The following CRISP2 variants were observed in gnomAD, a reference collection of about 807,000 sequenced individuals.
CRISP2 encodes the protein cysteine rich secretory protein 2, also known as cysteine-rich secretory protein 2.
In CRISP2, 29 loss-of-function variants were observed where a neutral mutation model predicts 31.7. The observed-to-expected ratio is 0.92, with a 90% CI of 0.68 to 1.25. The LOEUF is 1.25. CRISP2 is among the 50% of genes most tolerant of loss of function. The pLI is 0.00. For synonymous variants in CRISP2, 111 were observed against 101.4 expected, an observed-to-expected ratio of 1.09 and a Z score of -0.57; for missense variants, 318 against 286.5, an observed-to-expected ratio of 1.11 and a Z score of -0.79.
chr6:49,712,387 T>C (rs1030634138), intron 2 of CRISP2, 114 bp downstream of exon 2: 1 of 152,226 alleles, frequency 6.6e-6, no homozygotes, highest in Non-Finnish European at 1.5e-5. Context: ...TTGGTGAGAG[T>C]ATATTCAAGG....
At chr6:49,706,771 C>T (rs926776291) in intron 4 of CRISP2, among the ~76,000 whole-genome samples, 2 of 152,180 alleles carry the variant, frequency 1.3e-5, no homozygotes, top group South Asian at 4.1e-4. Flanking sequence ...TCTCAAAATA[C>T]TTACACCATT....
chr6:49,709,963 G>A (rs768644248), intron 3 of CRISP2, among the ~76,000 whole-genome samples: 2 of 152,108 alleles, frequency 1.3e-5, no homozygotes, highest in African/African-American at 2.4e-5. Context: ...AAAGTCTCAC[G>A]TCCTTCAGAT....
At chr6:49,692,137 C>A (rs760193708), downstream of CRISP2, among the ~76,000 whole-genome samples, 3 of 152,010 alleles carry the variant, frequency 2.0e-5, no homozygotes, top group Non-Finnish European at 2.9e-5. Flanking sequence ...AAGGAGAAAG[C>A]AAGTAAGAGT....
At chr6:49,684,907 T>A in the CRISP2 span, among the ~76,000 whole-genome samples, 1 of 152,126 alleles carries the variant, frequency 6.6e-6, no homozygotes, top group African/African-American at 2.4e-5. Flanking sequence ...TCATAGAGAC[T>A]TTTTGCATGC....
In CRISP2 at chr6:49,697,871, T is replaced by C. The variant is rs1765037201; in HGVS notation, c.504A>G (p.Gln168=). 4 of 1,611,852 alleles carry C rather than the reference T, an allele frequency of 2.5e-6. No homozygotes were observed. The highest frequency in any genetic ancestry group is 3.4e-6 in the Non-Finnish European group (4 of 1,178,666). Residue 168 remains glutamine (Q), a synonymous_variant, in exon 8 of 10, where the codon CAA becomes CAG. Coordinates refer to ENST00000339139, the MANE Select transcript of CRISP2 (RefSeq NM_003296.4). Reference sequence around the variant, plus strand: ...AACAGTCTACTTACGCAGGACAATATTGGCAAACATAGTAGTATTTTAGAC... The same window carrying C: ...AACAGTCTACTTACGCAGGACAATACTGGCAAACATAGTAGTATTTTAGAC... ...QDSLKYYYVC[Q]YCPAGNNMNR...
At chr6:49,677,437 T>C in the CRISP2 span, among the ~76,000 whole-genome samples, 2 of 152,158 alleles carry the variant, frequency 1.3e-5, no homozygotes, top group Non-Finnish European at 2.9e-5. Flanking sequence ...CTCTTATTCC[T>C]TCCTCCCATA....
downstream of CRISP2, among the ~76,000 whole-genome samples, chr6:49,690,944 T>C (rs1401719372): frequency 6.6e-6 from 1 of 151,618 alleles, no homozygotes; most frequent in Non-Finnish European, 1.5e-5. Context: ...TTAAAGATTC[T>C]GGTATAGAGG....
In CRISP2 at chr6:49,698,318, A is replaced by G. The variant is rs763366194; in HGVS notation, c.417+44T>C. On this transcript the variant is annotated intron_variant, in intron 7 of 9. Coordinates refer to ENST00000339139, the MANE Select transcript of CRISP2 (RefSeq NM_003296.4). ...TCATAATTTGGAGAAGCTTTCCTCT[A>G]TTAGAACATCTGTGACATAGGTATT... The G allele has an allele frequency of 2.1e-5, 33 of 1,603,812 alleles. No individual in the cohort carries two copies. The East Asian group carries it at 6.9e-4, about 34-fold the overall frequency.
At chr6:49,697,805 A>T in intron 8 of CRISP2, 55 bp downstream of exon 8, 3 of 1,604,294 alleles carry the variant, frequency 1.9e-6, no homozygotes, top group Non-Finnish European at 2.6e-6. Context: ...GAGAATTATT[A>T]AAAAATAAAT....
At chr6:49,702,015 G>A (rs1260860439) in intron 4 of CRISP2, among the ~76,000 whole-genome samples, 1 of 95,494 alleles carries the variant, frequency 1.0e-5, no homozygotes, top group Non-Finnish European at 1.9e-5. Context: ...ACATATTAAT[G>A]TATACATTAT....
At chr6:49,694,954 G>A (rs140201099) in intron 9 of CRISP2, among the ~76,000 whole-genome samples, 7 of 151,886 alleles carry the variant, frequency 4.6e-5, no homozygotes, top group Non-Finnish European at 5.9e-5. Flanking sequence ...GGTTGGTCTC[G>A]AACTCCTGAC....
chr6:49,703,702 G>A (rs1054238045), intron 4 of CRISP2, among the ~76,000 whole-genome samples: 4 of 152,130 alleles, frequency 2.6e-5, no homozygotes, highest in Admixed American at 1.3e-4. Flanking sequence ...CTGGCTTACA[G>A]GATTTCTGCA....
chr6:49,677,298 C>A, the CRISP2 span, among the ~76,000 whole-genome samples: 1 of 151,994 alleles, frequency 6.6e-6, no homozygotes, highest in African/African-American at 2.4e-5. Context: ...ATTTACATGC[C>A]CCAAGCATTT....
chr6:49,678,514 A>G, the CRISP2 span, among the ~76,000 whole-genome samples: 2 of 152,146 alleles, frequency 1.3e-5, no homozygotes, highest in African/African-American at 2.4e-5. Context: ...ATTTATAACC[A>G]GTGCAACTTG....
chr6:49,689,533 A>G (rs577317962), downstream of CRISP2, among the ~76,000 whole-genome samples: 46 of 152,224 alleles, frequency 3.0e-4, no homozygotes, highest in African/African-American at 1.1e-3. Context: ...ACAACTCAAA[A>G]TATTACTAAA....
rs766257183 is a variant in CRISP2 at position 49,698,459 on chromosome 6, C to G, written c.320G>C (p.Trp107Ser). Residue 107 changes from tryptophan to serine, a missense_variant, in exon 7 of 10, where the codon TGG (tryptophan) becomes TCG (serine). Physicochemically the swap from Trp to Ser is radical, Grantham distance 177. Transcript: ENST00000339139. ...ATACCAGCTTTGGATTGCAGAAGAC[C>G]AGGAAGTAGGGTCACTTGACATATA... ...NLYMSSDPTS[W>S]SSAIQSWYDE... 23 of 1,613,074 alleles carry G rather than the reference C, an allele frequency of 1.4e-5. No individual in the cohort carries two copies. The East Asian group carries it at 4.7e-4, about 33-fold the overall frequency.
At chr6:49,714,192 T>C (rs1768457423), upstream of CRISP2, among the ~76,000 whole-genome samples, 1 of 152,232 alleles carries the variant, frequency 6.6e-6, no homozygotes, top group South Asian at 2.1e-4. Flanking sequence ...GGATGAGTAA[T>C]AGGTGCATTT....
At chr6:49,703,631 G>T (rs1319573257) in intron 4 of CRISP2, among the ~76,000 whole-genome samples, 1 of 152,094 alleles carries the variant, frequency 6.6e-6, no homozygotes, top group East Asian at 1.9e-4. Flanking sequence ...GTTGCTGTTG[G>T]TGTATAGCTG....
the CRISP2 span, among the ~76,000 whole-genome samples, chr6:49,680,131 T>G: frequency 6.6e-6 from 1 of 152,196 alleles, no homozygotes; most frequent in Admixed American, 6.6e-5. Flanking sequence ...CAGTTATTTT[T>G]CCTGATCCTC....
Sources: gnomAD v4.1 joint callset for allele counts (sites outside exome capture counted in the v4.1 genomes callset) on GRCh38, gnomAD v4.1.1 for gene constraint, MANE v1.5 for transcripts, NCBI Gene and HGNC (gene_info 2026-07-23, HGNC 2026-07-21) for gene names.